PAX5: variants seen among roughly 807,000 people sequenced by gnomAD.
PAX5 encodes paired box 5.
A neutral mutation model predicts 43.7 loss-of-function variants in PAX5; 9 were observed. The ratio of observed to expected loss-of-function variants is 0.21; its 90% CI spans 0.12 to 0.36. PAX5 has a LOEUF of 0.36. Ranked by LOEUF, PAX5 falls within the 10% of genes least tolerant of loss-of-function variation. The probability of loss-of-function intolerance (pLI) is 1.00; values close to 1 mark genes in which losing one functional copy is unlikely to be tolerated. For missense variants in PAX5, 383 were observed against 532.7 expected, an observed-to-expected ratio of 0.72 and a Z score of 2.77; for synonymous variants, 228 against 214.3, an observed-to-expected ratio of 1.06 and a Z score of -0.56.
At chr9:36,895,793 A>T (rs1405934062) in intron 7 of PAX5, among the ~76,000 whole-genome samples, 1 of 152,164 alleles carries the variant, frequency 6.6e-6, no homozygotes, top group African/African-American at 2.4e-5. Flanking sequence ...TGTGCTCTTA[A>T]CCACCAAGTT....
At chr9:36,934,717 T>C (rs1020818878) in intron 6 of PAX5, among the ~76,000 whole-genome samples, 1 of 152,236 alleles carries the variant, frequency 6.6e-6, no homozygotes, top group African/African-American at 2.4e-5. Context: ...CTAAAATGGC[T>C]GAGTGTGCCT....
intron 7 of PAX5, among the ~76,000 whole-genome samples, chr9:36,894,272 C>T (rs1036238802): frequency 1.3e-5 from 2 of 152,182 alleles, no homozygotes; most frequent in Non-Finnish European, 2.9e-5. Context: ...CACCTCTTGC[C>T]CACCCTGGGT....
In PAX5 at chr9:36,923,505, G is replaced by T. The variant is rs202195546; in HGVS notation, c.781-21C>A. ...GTGGTCTGAAAGAAGAAACAGAGAC[G>T]TCTCAGCACCAAGACTCCACAGTAC... On this transcript the variant is annotated intron_variant, in intron 6 of 9. Coordinates refer to ENST00000358127, the MANE Select transcript of PAX5 (RefSeq NM_016734.3). The T allele has an allele frequency of 8.1e-6, 13 of 1,598,852 alleles. No individual in the cohort carries two copies. The Admixed American group carries it at 2.2e-4, about 27-fold the overall frequency.
In PAX5 at chr9:36,923,425, A is replaced by T; in HGVS notation, c.840T>A (p.Asn280Lys). ...LAGGLDDMKA[N>K]LASPTPADIG... Reference sequence around the variant, plus strand: ...TGTCAGCAGGGGTGGGGCTGGCCAGATTGGCCTTCATGTCGTCCAGCCCAC... The same window carrying T: ...TGTCAGCAGGGGTGGGGCTGGCCAGTTTGGCCTTCATGTCGTCCAGCCCAC... The change falls in exon 7 of 10, where the codon AAT becomes AAA. Residue 280 changes from asparagine to lysine, a missense_variant. By Grantham distance (94) the Asn-to-Lys change is moderately conservative. Around this residue, in one of 5 missense-constraint regions of PAX5, gnomAD observed 291 missense variants for 342.5 expected, o/e 0.85. Coordinates refer to ENST00000358127, the MANE Select transcript of PAX5 (RefSeq NM_016734.3). 3 of 1,612,992 alleles carry T rather than the reference A, an allele frequency of 1.9e-6. No homozygotes were observed. The highest frequency in any genetic ancestry group is 2.5e-6 in the Non-Finnish European group (3 of 1,179,964).
At chr9:36,949,849 A>G (rs3780162) in intron 6 of PAX5, among the ~76,000 whole-genome samples, 41,712 of 152,044 alleles carry the variant, frequency 0.27, 6,303 homozygotes, top group Non-Finnish European at 0.34. Flanking sequence ...TTATCTGCCC[A>G]AGCCAATCCC....
At chr9:36,948,496 T>G (rs1474426196) in intron 6 of PAX5, among the ~76,000 whole-genome samples, 1 of 152,210 alleles carries the variant, frequency 6.6e-6, no homozygotes, top group East Asian at 1.9e-4. Flanking sequence ...GGGAAGATCC[T>G]TACAGTACAA....
Position 36,839,245 on chromosome 9 carries a change from C to G in PAX5, c.*1315G>C, listed in dbSNP as rs978393786. The G allele has an allele frequency of 4.3e-6, 1 of 233,702 alleles. No individual in the cohort carries two copies. The allele number at this position is 233,702 out of a possible 1,614,324, so 14.5% of individuals were successfully genotyped here. A position where few individuals can be genotyped will look rare whatever the true frequency, so the allele number is the denominator to read the frequency against. On this transcript the variant is annotated 3_prime_UTR_variant, in exon 10 of 10. Coordinates refer to ENST00000358127, the MANE Select transcript of PAX5 (RefSeq NM_016734.3). ...TGCTGGCTTCCTCTGACCACCCTAG[C>G]CCACAGTGAGTTCTCCAAGCTCCCT...
intron 5 of PAX5, among the ~76,000 whole-genome samples, chr9:36,990,432 C>T (rs1836830029): frequency 6.6e-6 from 1 of 152,200 alleles, no homozygotes; most frequent in African/African-American, 2.4e-5. Context: ...GAGGGCCTGG[C>T]AGCCTTGTTA....
intron 7 of PAX5, among the ~76,000 whole-genome samples, chr9:36,896,824 C>T (rs1393700073): frequency 2.6e-5 from 4 of 152,202 alleles, no homozygotes; most frequent in African/African-American, 7.2e-5. Context: ...GGGGTAGGGA[C>T]GCCACTAAAC....
chr9:37,013,412 C>G (rs1387578105), intron 3 of PAX5, among the ~76,000 whole-genome samples: 1 of 152,092 alleles, frequency 6.6e-6, no homozygotes, highest in Non-Finnish European at 1.5e-5. Context: ...TTGCGAACCC[C>G]CAATTATATG....
intron 1 of PAX5, among the ~76,000 whole-genome samples, chr9:37,030,895 G>T (rs1238938371): frequency 2.7e-4 from 41 of 152,238 alleles, no homozygotes. Context: ...GCCCAATAGG[G>T]CTCAGACTGG....
intron 8 of PAX5, among the ~76,000 whole-genome samples, chr9:36,869,882 G>A (rs1337897509): frequency 7.4e-5 from 11 of 147,712 alleles, no homozygotes; most frequent in East Asian, 2.0e-4. Context: ...ATAAATGGAT[G>A]GATGGATGGA....
rs1821862409 is a variant in PAX5 at position 36,839,301 on chromosome 9, C to T, written c.*1259G>A. ...AGTTCCCGTGGCCCTTGGCCGTGGCCCTGACCATCGCGGCCCCTTAGATCA... is the reference window on the plus strand; with the variant it reads ...AGTTCCCGTGGCCCTTGGCCGTGGCTCTGACCATCGCGGCCCCTTAGATCA... On this transcript the variant is annotated 3_prime_UTR_variant, in exon 10 of 10. Coordinates refer to ENST00000358127, the MANE Select transcript of PAX5 (RefSeq NM_016734.3). 1 of 233,554 alleles carries T rather than the reference C, an allele frequency of 4.3e-6. No individual in the cohort carries two copies. Among genetic ancestry groups the T allele is most frequent in the East Asian group, 6.0e-5 (1 of 16,590 alleles). 14.5% of individuals were successfully genotyped at this position (233,554 alleles called of 1,614,324 possible). A position where few individuals can be genotyped will look rare whatever the true frequency, so the allele number is the denominator to read the frequency against.
At chr9:36,947,238 T>C (rs1832606127) in intron 6 of PAX5, among the ~76,000 whole-genome samples, 1 of 152,162 alleles carries the variant, frequency 6.6e-6, no homozygotes, top group African/African-American at 2.4e-5. Context: ...ACATCCAAAG[T>C]GACAAGCCCT....
chr9:36,907,883 A>G (rs916997812), intron 7 of PAX5, among the ~76,000 whole-genome samples: 2 of 152,198 alleles, frequency 1.3e-5, no homozygotes, highest in Admixed American at 6.5e-5. Context: ...ATTGCTGTAC[A>G]TACTTCTGTG....
intron 7 of PAX5, among the ~76,000 whole-genome samples, chr9:36,910,578 T>A (rs1241020102): frequency 1.3e-5 from 2 of 152,188 alleles, no homozygotes; most frequent in Non-Finnish European, 2.9e-5. Context: ...CACGCCAGGC[T>A]AAGGGGTGTG....
chr9:37,020,805 A>G lies in PAX5; in HGVS notation c.47-4T>C. 1 of 1,613,954 alleles carries G rather than the reference A, an allele frequency of 6.2e-7. No individual in the cohort carries two copies. Among genetic ancestry groups the G allele is most frequent in the Non-Finnish European group, 8.5e-7 (1 of 1,179,870 alleles). Reference sequence around the variant, plus strand: ...AGCTGATTCACTCCTCCATGTCCTGAAACAGATCAGAAACAAAAGGAAAGG... The same window carrying G: ...AGCTGATTCACTCCTCCATGTCCTGGAACAGATCAGAAACAAAAGGAAAGG... On this transcript the variant is annotated splice_region_variant and splice_polypyrimidine_tract_variant and intron_variant, in intron 1 of 9. Coordinates refer to ENST00000358127, the MANE Select transcript of PAX5 (RefSeq NM_016734.3).
chr9:36,863,210 A>G (rs1295678835), intron 8 of PAX5, among the ~76,000 whole-genome samples: 3 of 152,196 alleles, frequency 2.0e-5, no homozygotes, highest in South Asian at 2.1e-4. Context: ...GATAAGTCCA[A>G]TGGATCTTCA....
At chr9:36,995,978 A>T (rs72735668) in intron 5 of PAX5, among the ~76,000 whole-genome samples, 10,369 of 152,288 alleles carry the variant, frequency 0.068, 523 homozygotes, top group Middle Eastern at 0.23. Context: ...AAGGAGGAGG[A>T]AAGTGAGTGG....
Sources: gnomAD v4.1 joint callset for allele counts (sites outside exome capture counted in the v4.1 genomes callset) on GRCh38, gnomAD v4.1.1 for gene constraint, gnomAD v4.1.1 regional missense constraint, MANE v1.5 for transcripts, NCBI Gene and HGNC (gene_info 2026-07-23, HGNC 2026-07-21) for gene names.